The following GUCY1A2 variants were observed in gnomAD, a reference collection of about 807,000 sequenced individuals.
GUCY1A2 encodes guanylate cyclase 1 soluble subunit alpha 2.
Under a neutral mutation model 63.5 loss-of-function variants are expected in GUCY1A2, and 27 were observed. That is an observed-to-expected ratio of 0.43 (90% confidence interval 0.31 to 0.59). The LOEUF (loss-of-function observed/expected upper bound fraction) is 0.59. GUCY1A2 is among the 20% of genes least tolerant of loss of function. GUCY1A2 has a pLI of 0.11. For synonymous variants in GUCY1A2, 364 were observed against 343.5 expected, an observed-to-expected ratio of 1.06 and a Z score of -0.66; for missense variants, 768 against 913.3, an observed-to-expected ratio of 0.84 and a Z score of 2.05.
At chr11:106,992,553 A>T (rs1861484163) in intron 1 of GUCY1A2, among the ~76,000 whole-genome samples, 1 of 151,874 alleles carries the variant, frequency 6.6e-6, no homozygotes, top group South Asian at 2.1e-4. Flanking sequence ...GATGGTCTCG[A>T]TCTCCTGACC....
At chr11:106,771,934 A>G (rs1864264580) in intron 6 of GUCY1A2, among the ~76,000 whole-genome samples, 1 of 152,188 alleles carries the variant, frequency 6.6e-6, no homozygotes, top group Non-Finnish European at 1.5e-5. Context: ...CTGATTTTTC[A>G]GAATGTATTG....
At chr11:106,912,473 A>G (rs1054414499) in intron 4 of GUCY1A2, among the ~76,000 whole-genome samples, 2 of 152,092 alleles carry the variant, frequency 1.3e-5, no homozygotes, top group Non-Finnish European at 2.9e-5. Context: ...TCTCCCCAGA[A>G]CCAAATAAAG....
intron 4 of GUCY1A2, chr11:106,823,976 C>T (rs185025041): frequency 5.5e-5 from 36 of 652,134 alleles, no homozygotes; most frequent in Middle Eastern, 3.0e-4. Flanking sequence ...AAAATTACTG[C>T]GCATATAGTT....
At position 106,773,536 on chromosome 11, in the gene GUCY1A2, G is replaced by A. The variant is rs201751255; in HGVS notation, c.1836+2903C>T. On this transcript the variant is annotated intron_variant, in intron 6 of 7. Transcript: ENST00000526355. ...GTACTTCCCTTGTACATGTGTAAACGTCTAGGAGAGGAAATGCTGGGTTGT... is the reference window on the plus strand; with the variant it reads ...GTACTTCCCTTGTACATGTGTAAACATCTAGGAGAGGAAATGCTGGGTTGT... Among the ~76,000 whole-genome samples, 13 of 152,262 alleles carry A rather than the reference G, an allele frequency of 8.5e-5. No individual in the cohort carries two copies. The East Asian group carries it at 1.5e-3, about 18-fold the overall frequency.
chr11:106,677,643 T>A lies in GUCY1A2; in HGVS notation c.*9906A>T, dbSNP rs1862368097. The stretch of plus-strand genomic sequence containing the variant: ...ATTTCATGGCATTCTGTCATTTTTA[T>A]GACATTCTGTTAAATATAAATACTG... On this transcript the variant is annotated 3_prime_UTR_variant, in exon 8 of 8. Coordinates refer to ENST00000526355, the MANE Select transcript of GUCY1A2 (RefSeq NM_000855.3). 2.4e-5 allele frequency: 5 copies of A among 207,032 alleles called. No homozygotes were observed. Among genetic ancestry groups the A allele is most frequent in the African/African-American group, 9.1e-5 (4 of 43,926 alleles). 12.8% of individuals were successfully genotyped at this position (207,032 alleles called of 1,614,324 possible).
At chr11:106,989,495 T>C (rs1487346953) in intron 1 of GUCY1A2, among the ~76,000 whole-genome samples, 1 of 152,166 alleles carries the variant, frequency 6.6e-6, no homozygotes, top group East Asian at 1.9e-4. Context: ...GCAACATCTC[T>C]GACACACAGT....
rs1488912658 is a variant in GUCY1A2, at chr11:106,676,937, A to AT, written c.*10611dup. 4.8e-6 allele frequency: 1 copy of AT among 209,048 alleles called. No individual in the cohort carries two copies. Among genetic ancestry groups the AT allele is most frequent in the Non-Finnish European group, 9.8e-6 (1 of 102,500 alleles). The allele number at this position is 209,048 out of a possible 1,614,324, so 12.9% of individuals were successfully genotyped here. On this transcript the variant is annotated 3_prime_UTR_variant, in exon 8 of 8. Transcript: ENST00000526355. ...ATTCAATGAAAATGAACACACATAG[A>AT]TTTTTATAGACCCACATTTCTCTTG...
At chr11:106,724,695 G>A (rs181646665) in intron 6 of GUCY1A2, among the ~76,000 whole-genome samples, 1 of 152,150 alleles carries the variant, frequency 6.6e-6, no homozygotes, top group African/African-American at 2.4e-5. Flanking sequence ...GCCCTTATGA[G>A]TGAGTCATTG....
Position 106,676,541 on chromosome 11 carries a change from C to T in GUCY1A2, c.*11008G>A, listed in dbSNP as rs1386485244. On this transcript the variant is annotated 3_prime_UTR_variant, in exon 8 of 8. Coordinates refer to ENST00000526355, the MANE Select transcript of GUCY1A2 (RefSeq NM_000855.3). The stretch of plus-strand genomic sequence containing the variant: ...TATATTGCTTTTTCAATAGAGTAGA[C>T]ATAAAATTGATGACAAATGTTTCCA... 1 of 186,418 alleles carries T rather than the reference C, an allele frequency of 5.4e-6. No homozygotes were observed. Among genetic ancestry groups the T allele is most frequent in the Non-Finnish European group, 1.1e-5 (1 of 88,364 alleles). 11.5% of individuals were successfully genotyped at this position (186,418 alleles called of 1,614,324 possible).
rs148283227 is a variant in GUCY1A2 at position 106,863,712 on chromosome 11, T to C, written c.1207-53234A>G. ...CTTGATGGGGATAGCATTGAGTCTATAATTACTTTGGGCAGTATGGCCATT... is the reference window on the plus strand; with the variant it reads ...CTTGATGGGGATAGCATTGAGTCTACAATTACTTTGGGCAGTATGGCCATT... On this transcript the variant is annotated intron_variant, in intron 4 of 7. Transcript: ENST00000526355. Among the ~76,000 whole-genome samples, 16 of 152,166 alleles carry C rather than the reference T, an allele frequency of 1.1e-4. No individual in the cohort carries two copies. The East Asian group carries it at 3.1e-3, about 30-fold the overall frequency.
rs542060322 is a variant in GUCY1A2 at position 106,691,377 on chromosome 11, G to A, written c.1992-3621C>T. On this transcript the variant is annotated intron_variant, in intron 7 of 7. Transcript: ENST00000526355. ...AAGTTAAGAACCACATATAGCCATA[G>A]TTCAGTCTTTCCACAAAGTTTCCTT... Among the ~76,000 whole-genome samples the A allele has an allele frequency of 3.3e-5, 5 of 152,314 alleles. 1 individual carries two copies. Among genetic ancestry groups the A allele is most frequent in the African/African-American group, 1.2e-4 (5 of 41,564 alleles).
intron 4 of GUCY1A2, among the ~76,000 whole-genome samples, chr11:106,847,529 C>T (rs1429441042): frequency 1.3e-5 from 2 of 151,146 alleles, no homozygotes; most frequent in African/African-American, 4.8e-5. Flanking sequence ...GCAAAATAAA[C>T]AAAGCCACAA....
At chr11:106,948,535 CT>C (rs1264150570) in intron 3 of GUCY1A2, among the ~76,000 whole-genome samples, 2 of 152,028 alleles carry the variant, frequency 1.3e-5, no homozygotes, top group Admixed American at 6.6e-5. Flanking sequence ...AATAAAAGAT[CT>C]TTTCCAAAAA....
chr11:106,679,467 G>A lies in GUCY1A2; in HGVS notation c.*8082C>T, dbSNP rs905463806. ...GAAGAATATGGCGTAGAGTACAGCC[G>A]CCAAAAGTTTAAAAATTTCAGGACA... On this transcript the variant is annotated 3_prime_UTR_variant, in exon 8 of 8. Coordinates refer to ENST00000526355, the MANE Select transcript of GUCY1A2 (RefSeq NM_000855.3). 4 of 195,648 alleles carry A rather than the reference G, an allele frequency of 2.0e-5. No homozygotes were observed. Among genetic ancestry groups the A allele is most frequent in the Non-Finnish European group, 3.2e-5 (3 of 94,370 alleles). 12.1% of individuals were successfully genotyped at this position (195,648 alleles called of 1,614,324 possible). A position where few individuals can be genotyped will look rare whatever the true frequency, so the allele number is the denominator to read the frequency against.
intron 4 of GUCY1A2, chr11:106,824,857 A>G (rs1858946274): frequency 2.5e-6 from 4 of 1,611,718 alleles, no homozygotes; most frequent in Non-Finnish European, 3.4e-6. Context: ...AAGATGGAGG[A>G]AAAAAATTCA....
chr11:106,823,332 G>C (rs1157976098), intron 4 of GUCY1A2, among the ~76,000 whole-genome samples: 2 of 152,114 alleles, frequency 1.3e-5, no homozygotes, highest in African/African-American at 4.8e-5. Flanking sequence ...ACTTATAAGT[G>C]AGAACAGGTG....
At chr11:106,821,859 T>C (rs1858907979) in intron 4 of GUCY1A2, among the ~76,000 whole-genome samples, 1 of 152,208 alleles carries the variant, frequency 6.6e-6, no homozygotes, top group South Asian at 2.1e-4. Flanking sequence ...ATTATTATTA[T>C]TTTACGTTAA....
intron 4 of GUCY1A2, among the ~76,000 whole-genome samples, chr11:106,900,909 G>A (rs1448364930): frequency 6.6e-6 from 1 of 152,174 alleles, no homozygotes; most frequent in Non-Finnish European, 1.5e-5. Flanking sequence ...TGCCTCTGTT[G>A]TTGGCTGCTA....
chr11:106,747,313 C>G (rs1863807494), intron 6 of GUCY1A2, among the ~76,000 whole-genome samples: 2 of 152,134 alleles, frequency 1.3e-5, no homozygotes, highest in Admixed American at 6.5e-5. Flanking sequence ...GTGAGAAATT[C>G]TAGGTTTGAA....
Sources: allele counts gnomAD v4.1 joint callset (sites outside exome capture counted in the v4.1 genomes callset), GRCh38; gene constraint gnomAD v4.1.1; transcripts MANE v1.5; gene names NCBI Gene and HGNC (gene_info 2026-07-23, HGNC 2026-07-21).